The following HDAC11 variants were observed in gnomAD, a reference collection of about 807,000 sequenced individuals.
HDAC11 encodes the protein histone deacetylase 11.
Under a neutral mutation model 41.1 loss-of-function variants are expected in HDAC11, and 23 were observed. The ratio of observed to expected loss-of-function variants is 0.56; its 90% CI spans 0.40 to 0.79. The LOEUF is 0.79. Among genes scored for constraint, HDAC11 ranks in the 30% least tolerant of loss-of-function variants. The pLI, the probability that HDAC11 is intolerant of heterozygous loss-of-function variation, is 0.00. For missense variants in HDAC11, 402 were observed against 477.3 expected (o/e 0.84, Z 1.47); for synonymous variants, 187 against 186.6 (o/e 1.00, Z -0.02).
At chr3:13,497,299 C>T (rs1313633191) in intron 4 of HDAC11, among the ~76,000 whole-genome samples, 1 of 152,046 alleles carries the variant, frequency 6.6e-6, no homozygotes, top group African/African-American at 2.4e-5. Context: ...TTGCCTCAGG[C>T]TCCTGAGTAG....
intron 3 of HDAC11, among the ~76,000 whole-genome samples, chr3:13,487,356 A>G (rs1701644790): frequency 6.6e-6 from 1 of 152,058 alleles, no homozygotes; most frequent in South Asian, 2.1e-4. Flanking sequence ...TGTAACATCC[A>G]CCGTCTCCCC....
chr3:13,485,798 A>G (rs540964895), intron 3 of HDAC11, among the ~76,000 whole-genome samples: 1 of 150,900 alleles, frequency 6.6e-6, no homozygotes, highest in Non-Finnish European at 1.5e-5. Flanking sequence ...AAAAATAATA[A>G]AAGTATTAAC....
At chr3:13,486,835 T>A (rs1701618455) in intron 3 of HDAC11, among the ~76,000 whole-genome samples, 1 of 152,100 alleles carries the variant, frequency 6.6e-6, no homozygotes, top group Admixed American at 6.5e-5. Flanking sequence ...TGCCTCGGCC[T>A]CCCAAAGTGC....
At chr3:13,482,482 T>C (rs796725932) in intron 2 of HDAC11, among the ~76,000 whole-genome samples, 7 of 152,284 alleles carry the variant, frequency 4.6e-5, no homozygotes, top group African/African-American at 1.4e-4. Context: ...TCCTGTAATA[T>C]CATCAGAAGG....
intron 3 of HDAC11, among the ~76,000 whole-genome samples, chr3:13,490,974 C>A (rs1301222008): frequency 6.6e-6 from 1 of 151,822 alleles, no homozygotes; most frequent in Non-Finnish European, 1.5e-5. Context: ...TGGTCTCGAT[C>A]TCTTGACCTC....
Position 13,480,415 on chromosome 3 carries a change from C to A in HDAC11, c.2+66C>A. On this transcript the variant is annotated intron_variant, in intron 1 of 9. Transcript: ENST00000295757. This position sits in a 1 kb window ranked among gnomAD's most constrained non-coding sequence, Gnocchi z 4.6. ...GTCCCGGTGGGCGGGCGCGCTAGGG[C>A]GAGGGCGGGGACGGCCGGGCGGGCG... The A allele has an allele frequency of 1.0e-6, 1 of 978,342 alleles. No homozygotes were observed. Among genetic ancestry groups the A allele is most frequent in the Non-Finnish European group, 1.3e-6 (1 of 767,952 alleles). The allele number at this position is 978,342 out of a possible 1,614,324, so 60.6% of individuals were successfully genotyped here.
intron 3 of HDAC11, among the ~76,000 whole-genome samples, chr3:13,489,254 T>A (rs1701737741): frequency 6.6e-6 from 1 of 152,242 alleles, no homozygotes; most frequent in South Asian, 2.1e-4. Context: ...ATTTATCTTT[T>A]TTTCCTTTTC....
At chr3:13,497,402 C>G (rs1702149739) in intron 4 of HDAC11, among the ~76,000 whole-genome samples, 1 of 152,036 alleles carries the variant, frequency 6.6e-6, no homozygotes, top group Non-Finnish European at 1.5e-5. Flanking sequence ...TGGTCTTGAA[C>G]TCCTGACCTC....
chr3:13,493,746 T>G (rs1220845330), intron 3 of HDAC11, among the ~76,000 whole-genome samples: 1 of 152,196 alleles, frequency 6.6e-6, no homozygotes, highest in Non-Finnish European at 1.5e-5. Flanking sequence ...CTCGCCAACG[T>G]TGGCACAGCA....
chr3:13,486,785 G>T (rs372491657), intron 3 of HDAC11, among the ~76,000 whole-genome samples: 6 of 151,978 alleles, frequency 3.9e-5, no homozygotes, highest in African/African-American at 1.5e-4. Context: ...CACCATGTTG[G>T]CCAGGCTGGT....
chr3:13,502,573 A>G lies in HDAC11; in HGVS notation c.553-311A>G, dbSNP rs2290196. On this transcript the variant is annotated intron_variant, in intron 7 of 9. Coordinates refer to ENST00000295757, the MANE Select transcript of HDAC11 (RefSeq NM_024827.4). The surrounding 1 kb of genome is among the most constrained non-coding windows in gnomAD (Gnocchi z 4.1). Reference sequence around the variant, plus strand: ...AGGTCACATGTGGACAGTCCTTTACAGTTTGCTTTTCACATCCCTGATCCC... The same window carrying G: ...AGGTCACATGTGGACAGTCCTTTACGGTTTGCTTTTCACATCCCTGATCCC... 0.015 allele frequency: 4,749 copies of G among 310,752 alleles called. 518 individuals carry two copies. In the East Asian group the frequency reaches 0.26, roughly 17 times the overall value. The allele number at this position is 310,752 out of a possible 1,614,324, so 19.2% of individuals were successfully genotyped here.
chr3:13,481,305 C>T lies in HDAC11; in HGVS notation c.62C>T (p.Ser21Leu), dbSNP rs1275514463. 4 of 1,613,400 alleles carry T rather than the reference C, an allele frequency of 2.5e-6. No individual in the cohort carries two copies. The highest frequency in any genetic ancestry group is 1.7e-5 in the Admixed American group (1 of 60,024). The change falls in exon 2 of 10, where the codon TCG becomes TTG. Residue 21 changes from serine to leucine, a missense_variant. Physicochemically the swap from Ser to Leu is moderately radical, Grantham distance 145. Transcript: ENST00000295757. ...GAGACACGCTGGCCAATCGTGTACTCGCCGCGCTACAACATCACCTTCATG... is the reference window on the plus strand; with the variant it reads ...GAGACACGCTGGCCAATCGTGTACTTGCCGCGCTACAACATCACCTTCATG... ...VPETRWPIVY[S>L]PRYNITFMGL... is the part of the protein sequence containing the mutation.
At chr3:13,481,511 G>C in intron 2 of HDAC11, 117 bp downstream of exon 2, 1 of 1,153,200 alleles carries the variant, frequency 8.7e-7, no homozygotes, top group Non-Finnish European at 1.3e-6. Flanking sequence ...GCCCTCGGAT[G>C]GCCTTCCACC....
chr3:13,495,086 C>G (rs1410306127), intron 3 of HDAC11, among the ~76,000 whole-genome samples: 1 of 152,138 alleles, frequency 6.6e-6, no homozygotes, highest in South Asian at 2.1e-4. Flanking sequence ...TCCCACTTTC[C>G]TCTCATGGAA....
chr3:13,504,345 C>G (rs1702514373), intron 9 of HDAC11, 73 bp downstream of exon 9: 4 of 1,591,462 alleles, frequency 2.5e-6, no homozygotes, highest in Non-Finnish European at 3.4e-6. Context: ...GGTGGGCGGC[C>G]TCATGTCAGG....
rs953302479 is a variant in HDAC11, at chr3:13,496,681, C to T, written c.253-55C>T. Reference sequence around the variant, plus strand: ...CATTTCCCGGGGAACCAATTTCTCACGGGTTGCCTCAGGGTGGGGAAGCGG... The same window carrying T: ...CATTTCCCGGGGAACCAATTTCTCATGGGTTGCCTCAGGGTGGGGAAGCGG... On this transcript the variant is annotated intron_variant, in intron 3 of 9. Coordinates refer to ENST00000295757, the MANE Select transcript of HDAC11 (RefSeq NM_024827.4). The T allele has an allele frequency of 4.0e-5, 47 of 1,179,924 alleles. No individual in the cohort carries two copies. In the African/African-American group the frequency reaches 6.2e-4, roughly 16 times the overall value. The allele number at this position is 1,179,924 out of a possible 1,614,324, so 73.1% of individuals were successfully genotyped here. A position where few individuals can be genotyped will look rare whatever the true frequency, so the allele number is the denominator to read the frequency against.
chr3:13,496,518 A>G (rs554650816), intron 3 of HDAC11: 2 of 459,192 alleles, frequency 4.4e-6, no homozygotes, highest in East Asian at 4.0e-5. Flanking sequence ...TAAGAAATGC[A>G]TTGTGTAAAC....
At chr3:13,486,574 T>TG (rs1306483165) in intron 3 of HDAC11, among the ~76,000 whole-genome samples, 2 of 70,984 alleles carry the variant, frequency 2.8e-5, no homozygotes, top group African/African-American at 1.4e-4. Context: ...TAGAGGTGTT[T>TG]TTTTTTTTTT....
intron 3 of HDAC11, among the ~76,000 whole-genome samples, chr3:13,489,805 T>A (rs986963210): frequency 1.3e-5 from 2 of 152,162 alleles, no homozygotes; most frequent in African/African-American, 4.8e-5. Flanking sequence ...TGACCTCAAG[T>A]GATTTGCTCA....
Sources: gnomAD v4.1 joint callset for allele counts (sites outside exome capture counted in the v4.1 genomes callset) on GRCh38, gnomAD v4.1.1 for gene constraint, Gnocchi (gnomAD v3.1) non-coding constraint, MANE v1.5 for transcripts, NCBI Gene and HGNC (gene_info 2026-07-23, HGNC 2026-07-21) for gene names.